DDOST: variants seen among roughly 807,000 people sequenced by gnomAD.
DDOST encodes the protein dolichyl-diphosphooligosaccharide--protein glycosyltransferase 48 kDa subunit.
A neutral mutation model predicts 47.6 loss-of-function variants in DDOST; 25 were observed. The observed-to-expected ratio is 0.53, with a 90% CI of 0.38 to 0.73. DDOST has a LOEUF of 0.73. Ranked by LOEUF, DDOST falls within the 30% of genes least tolerant of loss-of-function variation. The pLI is 0.00. For missense variants in DDOST, 526 were observed against 573.9 expected (o/e 0.92, Z 0.85); for synonymous variants, 275 against 236.0 (o/e 1.17, Z -1.51).
chr1:20,653,070 C>T, intron 8 of DDOST, 99 bp from the exon 9 acceptor site: 1 of 1,489,198 alleles, frequency 6.7e-7, no homozygotes, highest in Non-Finnish European at 9.2e-7. Flanking sequence ...ACGAACATGG[C>T]AGGAATGCCC....
chr1:20,654,140 C>CTTA (rs2053335177), intron 7 of DDOST, 83 bp downstream of exon 7: 2 of 1,467,066 alleles, frequency 1.4e-6, no homozygotes, highest in Non-Finnish European at 1.8e-6. Flanking sequence ...AGCTAAAAGC[C>CTTA]TCCTTCTTCC....
intron 3 of DDOST, 66 bp downstream of exon 3, chr1:20,656,034 CT>C: frequency 1.4e-6 from 2 of 1,381,948 alleles, no homozygotes; most frequent in Non-Finnish European, 2.1e-6. Flanking sequence ...TTGGCAGCTT[CT>C]GTTTGTAATG....
In DDOST at chr1:20,653,211, A is replaced by G; in HGVS notation, c.943-240T>C. 3 of 582,124 alleles carry G rather than the reference A, an allele frequency of 5.2e-6. No homozygotes were observed. In the Middle Eastern group the frequency reaches 1.4e-3, roughly 268 times the overall value. 36.1% of individuals were successfully genotyped at this position (582,124 alleles called of 1,614,324 possible). ...TCTGAAGGCCTAGATTCCTTCACAC[A>G]GTATTCATGGCCCATCAAAGTCTGG... On this transcript the variant is annotated intron_variant, in intron 8 of 10. Transcript: ENST00000602624.
intron 2 of DDOST, among the ~76,000 whole-genome samples, chr1:20,659,784 AG>A (rs2154534409): frequency 6.6e-6 from 1 of 152,286 alleles, no homozygotes; most frequent in South Asian, 2.1e-4. Context: ...AGAATAAAGA[AG>A]CCATGTCCCA....
At chr1:20,655,292 T>C in intron 5 of DDOST, 148 bp downstream of exon 5, 1 of 615,188 alleles carries the variant, frequency 1.6e-6, no homozygotes, top group Non-Finnish European at 2.9e-6. Flanking sequence ...GATTACAGGT[T>C]GAGCCACTAT....
At chr1:20,654,497 G>T in intron 6 of DDOST, 117 bp downstream of exon 6, 1 of 1,387,978 alleles carries the variant, frequency 7.2e-7, no homozygotes. Flanking sequence ...GGGAGCCTGA[G>T]ACCACACCGC....
In DDOST at chr1:20,654,674, C is replaced by A; in HGVS notation, c.585G>T (p.Leu195=). The A allele has an allele frequency of 6.4e-7, 1 of 1,562,694 alleles. No individual in the cohort carries two copies. The highest frequency in any genetic ancestry group is 8.7e-7 in the Non-Finnish European group (1 of 1,152,340). ...MVADPDNPLV[L]DILTGSSTSY... Reference sequence around the variant, plus strand: ...AGGTGGAAGAGCCCGTCAGGATGTCCAGCACCAAAGGGTTATCAGGATCGG... The same window carrying A: ...AGGTGGAAGAGCCCGTCAGGATGTCAAGCACCAAAGGGTTATCAGGATCGG... Residue 195 remains leucine (L), a synonymous_variant, in exon 6 of 11, where the codon CTG becomes CTT. Transcript: ENST00000602624.
Position 20,654,309 on chromosome 1 carries a change from G to A in DDOST, c.708C>T (p.Ala236=), listed in dbSNP as rs1440052261. ...CGAGGGAGCCGCTGAAGATGACGCG[G>A]GCATTGTTCCTGGCCTGGAGCCCAG... The part of the protein sequence containing the change: ...LIAGLQARNN[A]RVIFSGSLDF... The change falls in exon 7 of 11, where the codon GCC becomes GCT. Residue 236 remains alanine (A), a synonymous_variant. Coordinates refer to ENST00000602624, the MANE Select transcript of DDOST (RefSeq NM_005216.5). 4 of 1,555,044 alleles carry A rather than the reference G, an allele frequency of 2.6e-6. No individual in the cohort carries two copies. The highest frequency in any genetic ancestry group is 2.4e-5 in the East Asian group (1 of 41,284).
chr1:20,654,099 G>T, intron 7 of DDOST, 124 bp downstream of exon 7: 2 of 1,170,738 alleles, frequency 1.7e-6, no homozygotes, highest in Non-Finnish European at 2.4e-6. Context: ...TAATCTGACA[G>T]CACCTGAAAC....
At position 20,661,223 on chromosome 1, in the gene DDOST, T is replaced by A. The variant is rs1386626259; in HGVS notation, c.128A>T (p.His43Leu). ...LLDNLNVRET[H>L]SLFFRSLKDR... Reference sequence around the variant, plus strand: ...CTTCAGGCTCCGGAAGAAAAGCGAATGAGTCTCCCGCACGTTGAGGTTGTC... The same window carrying A: ...CTTCAGGCTCCGGAAGAAAAGCGAAAGAGTCTCCCGCACGTTGAGGTTGTC... Residue 43 changes from histidine (H) to leucine (L), a missense_variant, in exon 1 of 11, where the codon CAT becomes CTT. Transcript: ENST00000602624. The A allele has an allele frequency of 6.2e-7, 1 of 1,614,008 alleles. No homozygotes were observed. The highest frequency in any genetic ancestry group is 8.5e-7 in the Non-Finnish European group (1 of 1,179,994).
intron 8 of DDOST, among the ~76,000 whole-genome samples, 200 bp downstream of exon 8, chr1:20,653,427 C>G (rs1557571076): frequency 6.6e-6 from 1 of 152,248 alleles, no homozygotes; most frequent in East Asian, 1.9e-4. Context: ...CACACCTCTT[C>G]AAAAGAAGTG....
chr1:20,655,773 G>A lies in DDOST; in HGVS notation c.359C>T (p.Pro120Leu), dbSNP rs759903353. The A allele has an allele frequency of 6.2e-7, 1 of 1,613,834 alleles. No homozygotes were observed. The highest frequency in any genetic ancestry group is 8.5e-7 in the Non-Finnish European group (1 of 1,179,914). ...GCACTCACTGCCCAGCTCTCGAAGA[G>A]GGTCACCTGCACAGACCGAAGAGAC... ...LVAASSDIGDPLRELGSECGI... is the reference protein window; with the variant it reads ...LVAASSDIGDLLRELGSECGI... The change falls in exon 4 of 11, where the codon CCT (proline) becomes CTT (leucine). Residue 120 changes from proline to leucine, a missense_variant. Pro to Leu is a moderately conservative substitution (Grantham distance 98). Transcript: ENST00000602624.
At chr1:20,655,853 T>A in intron 3 of DDOST, 74 bp from the exon 4 acceptor site, 1 of 1,255,098 alleles carries the variant, frequency 8.0e-7, no homozygotes, top group Non-Finnish European at 1.2e-6. Context: ...GGCTTCCTTG[T>A]GACTCCCTCT....
Position 20,661,273 on chromosome 1 carries a change from G to A in DDOST, c.78C>T (p.Ser26=). The stretch of plus-strand genomic sequence containing the variant: ...CCAGCAGCACTAAGGTGCGGGGTCC[G>A]CTGGCGCAAACCGCGCCAAGCAAGG... The part of the protein sequence containing the change: ...LLPLLGAVCA[S]GPRTLVLLDN... Residue 26 remains serine, a synonymous_variant, in exon 1 of 11, where the codon AGC becomes AGT. Coordinates refer to ENST00000602624, the MANE Select transcript of DDOST (RefSeq NM_005216.5). The A allele has an allele frequency of 1.2e-6, 2 of 1,613,818 alleles. No individual in the cohort carries two copies. The highest frequency in any genetic ancestry group is 1.7e-6 in the Non-Finnish European group (2 of 1,179,982).
Position 20,660,949 on chromosome 1 carries a change from C to G in DDOST, c.197G>C (p.Ser66Thr), listed in dbSNP as rs912711217. ...TTCCCCATACTTTATGAGAGACAGG[C>G]TGGGGTCATCAGCGGTCTTGAATGT... ...ELTFKTADDP[S>T]LSLIKYGEFL... The change falls in exon 2 of 11, where the codon AGC becomes ACC. Residue 66 changes from serine to threonine, a missense_variant. Ser to Thr is a moderately conservative substitution (Grantham distance 58). Transcript: ENST00000602624. 3.7e-6 allele frequency: 6 copies of G among 1,613,850 alleles called. No individual in the cohort carries two copies. Among genetic ancestry groups the G allele is most frequent in the Admixed American group, 1.7e-5 (1 of 60,008 alleles).
At chr1:20,656,753 G>C (rs2053378615) in intron 2 of DDOST, among the ~76,000 whole-genome samples, 2 of 152,122 alleles carry the variant, frequency 1.3e-5, no homozygotes, top group South Asian at 4.1e-4. Context: ...CCAGTACACT[G>C]CTTTTTAAAA....
At chr1:20,659,836 G>A (rs1198629319) in intron 2 of DDOST, among the ~76,000 whole-genome samples, 1 of 152,084 alleles carries the variant, frequency 6.6e-6, no homozygotes, top group Non-Finnish European at 1.5e-5. Flanking sequence ...CTTGAACCTG[G>A]GAGGTCGAGG....
intron 2 of DDOST, among the ~76,000 whole-genome samples, chr1:20,658,531 TTAAA>T (rs1261863648): frequency 6.6e-6 from 1 of 152,258 alleles, no homozygotes; most frequent in African/African-American, 2.4e-5. Context: ...GAACCGGGCT[TTAAA>T]TAACCTTGAA....
At position 20,656,172 on chromosome 1, in the gene DDOST, A is replaced by T. The variant is rs1301097610; in HGVS notation, c.281T>A (p.Ile94Asn). 2 of 1,614,072 alleles carry T rather than the reference A, an allele frequency of 1.2e-6. No individual in the cohort carries two copies. The highest frequency in any genetic ancestry group is 1.7e-6 in the Non-Finnish European group (2 of 1,179,956). ...SPSVEDFGGNINVETISAFID... is the reference protein window; with the variant it reads ...SPSVEDFGGNNNVETISAFID... ...AAAGGCACTGATGGTCTCCACGTTGATGTTGCCTCCAAAATCTGAAAGCAG... is the reference window on the plus strand; with the variant it reads ...AAAGGCACTGATGGTCTCCACGTTGTTGTTGCCTCCAAAATCTGAAAGCAG... Residue 94 changes from isoleucine to asparagine, a missense_variant, in exon 3 of 11, where the codon ATC becomes AAC. Physicochemically the swap from Ile to Asn is moderately radical, Grantham distance 149. Coordinates refer to ENST00000602624, the MANE Select transcript of DDOST (RefSeq NM_005216.5).
Sources: allele counts gnomAD v4.1 joint callset (sites outside exome capture counted in the v4.1 genomes callset), GRCh38; gene constraint gnomAD v4.1.1; transcripts MANE v1.5; gene names NCBI Gene and HGNC (gene_info 2026-07-23, HGNC 2026-07-21).